JPH2: variants seen among roughly 807,000 people sequenced by gnomAD.
JPH2 encodes the protein junctophilin 2, also known as junctophilin-2.
In JPH2, 38 loss-of-function variants were observed where a neutral mutation model predicts 55.9. That is an observed-to-expected ratio of 0.68 (90% CI 0.52 to 0.89). The LOEUF is 0.89. JPH2 is among the 40% of genes least tolerant of loss of function. The pLI is 0.00. For synonymous variants in JPH2, 480 were observed against 472.4 expected, an observed-to-expected ratio of 1.02 and a Z score of -0.21; for missense variants, 964 against 1,037.6, an observed-to-expected ratio of 0.93 and a Z score of 0.97.
chr20:44,185,642 A>T (rs2072829940), intron 1 of JPH2, among the ~76,000 whole-genome samples: 1 of 151,824 alleles, frequency 6.6e-6, no homozygotes, highest in Non-Finnish European at 1.5e-5. Flanking sequence ...CTTGGAAAAA[A>T]AAAAAAAGAA....
At chr20:44,134,643 A>AT (rs1229715610) in intron 2 of JPH2, among the ~76,000 whole-genome samples, 3,859 of 52,646 alleles carry the variant, frequency 0.073, 895 homozygotes, top group Middle Eastern at 0.18. Context: ...ATAAATATAT[A>AT]AATATTTATT....
rs2072129214 is a variant in JPH2, at chr20:44,109,752, G to A, written c.*3766C>T. 6.6e-6 allele frequency among the ~76,000 whole-genome samples: 1 copy of A among 152,128 alleles called. No individual in the cohort carries two copies. Among genetic ancestry groups the A allele is most frequent in the Non-Finnish European group, 1.5e-5 (1 of 68,022 alleles). On this transcript the variant is annotated 3_prime_UTR_variant, in exon 6 of 6. Coordinates refer to ENST00000372980, the MANE Select transcript of JPH2 (RefSeq NM_020433.5). ...AGAGCATCTTCATATCAGTTTTTCAGGCATGGCACCTCCAAAGGTCATCAT... is the reference window on the plus strand; with the variant it reads ...AGAGCATCTTCATATCAGTTTTTCAAGCATGGCACCTCCAAAGGTCATCAT...
At chr20:44,185,636 GA>G (rs35246323) in intron 1 of JPH2, among the ~76,000 whole-genome samples, 51,856 of 142,062 alleles carry the variant, frequency 0.37, 9,635 homozygotes, top group Admixed American at 0.53. Flanking sequence ...ACTTGTCTTG[GA>G]AAAAAAAAAA....
intron 2 of JPH2, among the ~76,000 whole-genome samples, chr20:44,156,994 G>A (rs537413941): frequency 6.6e-6 from 1 of 152,348 alleles, no homozygotes; most frequent in African/African-American, 2.4e-5. Flanking sequence ...GCTGATGCTT[G>A]GGTTCTCCCA....
At chr20:44,150,864 A>G (rs139925483) in intron 2 of JPH2, among the ~76,000 whole-genome samples, 2 of 152,108 alleles carry the variant, frequency 1.3e-5, no homozygotes, top group East Asian at 3.9e-4. Context: ...CGTCTCTACA[A>G]ATATATATTT....
chr20:44,167,414 TGA>T (rs2072664492), intron 1 of JPH2, among the ~76,000 whole-genome samples: 1 of 152,188 alleles, frequency 6.6e-6, no homozygotes, highest in African/African-American at 2.4e-5. Flanking sequence ...TTATGTCCTT[TGA>T]GAGGCAGGAA....
Position 44,108,648 on chromosome 20 carries a change from GAA to G in JPH2, c.*4868_*4869del, listed in dbSNP as rs2072122655. Among the ~76,000 whole-genome samples, 1 of 121,240 alleles carries G rather than the reference GAA, an allele frequency of 8.2e-6. No homozygotes were observed. The highest frequency in any genetic ancestry group is 3.4e-5 in the African/African-American group (1 of 29,038). The allele number at this position is 121,240 out of a possible 152,430, so 79.5% of individuals were successfully genotyped here. A position where few individuals can be genotyped will look rare whatever the true frequency, so the allele number is the denominator to read the frequency against. On this transcript the variant is annotated 3_prime_UTR_variant, in exon 6 of 6. Transcript: ENST00000372980. ...ACTCTGTCTCAAAAAAAAAAAAAAA[GAA>G]AAGAGGAAGAAGAAGTGACTGTAAT...
chr20:44,177,755 T>A (rs901268857), intron 1 of JPH2: 18 of 1,442,108 alleles, frequency 1.2e-5, no homozygotes, highest in Admixed American at 2.3e-5. Context: ...TCTTATTTAC[T>A]GTTCCAAAGT....
At chr20:44,154,774 C>T (rs771036868) in intron 2 of JPH2, among the ~76,000 whole-genome samples, 38 of 152,338 alleles carry the variant, frequency 2.5e-4, no homozygotes, top group Middle Eastern at 3.4e-3. Flanking sequence ...TGGCCACAAT[C>T]CTGCTTTTCC....
At chr20:44,135,161 C>A (rs1302694504) in intron 2 of JPH2, among the ~76,000 whole-genome samples, 1 of 151,704 alleles carries the variant, frequency 6.6e-6, no homozygotes, top group African/African-American at 2.4e-5. Flanking sequence ...CTTCTTATGC[C>A]CCATCTAGTC....
At chr20:44,151,786 G>C (rs1267172050) in intron 2 of JPH2, among the ~76,000 whole-genome samples, 1 of 152,108 alleles carries the variant, frequency 6.6e-6, no homozygotes, top group Non-Finnish European at 1.5e-5. Flanking sequence ...CTGCCTTCTC[G>C]GCCTCATCTC....
chr20:44,160,381 C>G lies in JPH2; in HGVS notation c.406G>C (p.Gly136Arg), dbSNP rs767281714. The change falls in exon 2 of 6, where the codon GGC (glycine) becomes CGC (arginine). Residue 136 changes from glycine (G) to arginine (R), a missense_variant. Physicochemically the swap from Gly to Arg is moderately radical, Grantham distance 125. Transcript: ENST00000372980. This position sits in a 1 kb window ranked among gnomAD's most constrained non-coding sequence, Gnocchi z 4.9. ...CGTACTCCGTAGCCATGGCGCATGC[C>G]GTTGGTGAACTGGCCTTGGTACGTC... ...GGTYQGQFTN[G>R]MRHGYGVRQS... 1 of 1,608,510 alleles carries G rather than the reference C, an allele frequency of 6.2e-7. No homozygotes were observed. Among genetic ancestry groups the G allele is most frequent in the Non-Finnish European group, 8.5e-7 (1 of 1,178,208 alleles).
rs935350898 is a variant in JPH2 at position 44,109,666 on chromosome 20, A to G, written c.*3852T>C. ...AAGAGCTATTTTAATTTCAGCATAC[A>G]TGCAAGTTTTATGTTTTACAGTTTA... On this transcript the variant is annotated 3_prime_UTR_variant, in exon 6 of 6. Transcript: ENST00000372980. Among the ~76,000 whole-genome samples the G allele has an allele frequency of 3.9e-5, 6 of 152,168 alleles. No individual in the cohort carries two copies. Among genetic ancestry groups the G allele is most frequent in the East Asian group, 1.9e-4 (1 of 5,190 alleles).
At chr20:44,147,446 T>A (rs759950688) in intron 2 of JPH2, among the ~76,000 whole-genome samples, 7 of 152,194 alleles carry the variant, frequency 4.6e-5, no homozygotes, top group Non-Finnish European at 1.0e-4. Context: ...TCTACATGCA[T>A]AACATAAAAA....
intron 2 of JPH2, among the ~76,000 whole-genome samples, chr20:44,127,303 T>C (rs2072283970): frequency 6.6e-6 from 1 of 152,182 alleles, no homozygotes; most frequent in Non-Finnish European, 1.5e-5. Context: ...CATGTTTTTA[T>C]TCCTCTTGAG....
rs892641095 is a variant in JPH2, at chr20:44,110,396, C to T, written c.*3122G>A. Among the ~76,000 whole-genome samples the T allele has an allele frequency of 5.9e-5, 9 of 151,650 alleles. No individual in the cohort carries two copies. In the South Asian group the frequency reaches 6.2e-4, roughly 11 times the overall value. ...TCCAAGCCCATCCTTCCTGGAATCC[C>T]AGCATCATTCCAGAGTTTTGAAAAC... On this transcript the variant is annotated 3_prime_UTR_variant, in exon 6 of 6. Transcript: ENST00000372980.
chr20:44,156,455 C>T (rs1312059211), intron 2 of JPH2, among the ~76,000 whole-genome samples: 2 of 152,176 alleles, frequency 1.3e-5, no homozygotes, highest in African/African-American at 4.8e-5. Flanking sequence ...AAGCCTGGTC[C>T]TGCCTGTCTT....
intron 2 of JPH2, among the ~76,000 whole-genome samples, chr20:44,158,822 C>T (rs1030030730): frequency 1.3e-5 from 2 of 151,876 alleles, no homozygotes; most frequent in African/African-American, 4.8e-5. Flanking sequence ...ACAGAAGTGT[C>T]GCTGGGTGGA....
At chr20:44,168,022 G>A (rs1056874166) in intron 1 of JPH2, among the ~76,000 whole-genome samples, 2 of 152,208 alleles carry the variant, frequency 1.3e-5, no homozygotes, top group African/African-American at 2.4e-5. Flanking sequence ...TTGAGTGGCA[G>A]GGAGTGGGGA....
Sources: gnomAD v4.1 joint callset for allele counts (sites outside exome capture counted in the v4.1 genomes callset) on GRCh38, gnomAD v4.1.1 for gene constraint, Gnocchi (gnomAD v3.1) non-coding constraint, MANE v1.5 for transcripts, NCBI Gene and HGNC (gene_info 2026-07-23, HGNC 2026-07-21) for gene names.